The following FAT1 variants were observed in gnomAD, a reference collection of about 807,000 sequenced individuals.
FAT1 encodes the protein protocadherin Fat 1.
A neutral mutation model predicts 329.8 loss-of-function variants in FAT1; 171 were observed. The observed-to-expected ratio is 0.52, with a 90% confidence interval of 0.46 to 0.59. The LOEUF is 0.59. FAT1 is among the 20% of genes least tolerant of loss of function. The pLI is 0.00. For missense variants in FAT1, 5,672 were observed against 5,774.4 expected (o/e 0.98, Z 0.57); for synonymous variants, 2,233 against 2,228.6 (o/e 1.00, Z -0.06).
intron 1 of FAT1, among the ~76,000 whole-genome samples, chr4:186,712,978 AG>A (rs1424949193): frequency 3.2e-5 from 4 of 124,704 alleles, no homozygotes; most frequent in African/African-American, 1.3e-4. Context: ...CCTATCATGA[AG>A]GGGGTTCTTT....
At position 186,692,018 on chromosome 4, in the gene FAT1, C is replaced by T. The variant is rs1392875565; in HGVS notation, c.3265+14545G>A. Among the ~76,000 whole-genome samples the T allele has an allele frequency of 9.6e-4, 146 of 152,122 alleles. 3 individuals are homozygous for T. The highest frequency in any genetic ancestry group is 1.5e-4 in the Non-Finnish European group (10 of 68,006). On this transcript the variant is annotated intron_variant, in intron 2 of 26. Transcript: ENST00000441802. Reference sequence around the variant, plus strand: ...GAATGGCAGCTGGGACTTACTACTTCTCTAAAAATCTCTGTTAAAGAAGGC... The same window carrying T: ...GAATGGCAGCTGGGACTTACTACTTTTCTAAAAATCTCTGTTAAAGAAGGC...
At chr4:186,693,133 G>A (rs975808023) in intron 2 of FAT1, among the ~76,000 whole-genome samples, 2 of 152,188 alleles carry the variant, frequency 1.3e-5, no homozygotes, top group East Asian at 3.8e-4. Context: ...GCCATTACAT[G>A]TTTGAACAGT....
chr4:186,635,109 T>C (rs933731501), intron 6 of FAT1, among the ~76,000 whole-genome samples: 2 of 152,206 alleles, frequency 1.3e-5, no homozygotes, highest in Non-Finnish European at 2.9e-5. Flanking sequence ...GCATTTAGCA[T>C]GAAAGTTCCA....
rs745969893 is a variant in FAT1, at chr4:186,707,214, T to C, written c.2614A>G (p.Ser872Gly). The change falls in exon 2 of 27, where the codon AGC (serine) becomes GGC (glycine). Residue 872 changes from serine (S) to glycine (G), a missense_variant. Around this residue, in one of 2 missense-constraint regions of FAT1, gnomAD observed 3,966 missense variants for 3,915.2 expected, o/e 1.01. Transcript: ENST00000441802. ...VTDTDTFSIDSVTGVVNIARP... is the reference protein window; with the variant it reads ...VTDTDTFSIDGVTGVVNIARP... ...GCGATGTTAACAACACCCGTCACGC[T>C]GTCAATTGAAAATGTGTCTGTGTCT... 1.9e-6 allele frequency: 3 copies of C among 1,613,944 alleles called. 1 individual carries two copies. In the South Asian group the frequency reaches 3.3e-5, roughly 18 times the overall value.
In FAT1 at chr4:186,617,599, C is replaced by G. The variant is rs781395459; in HGVS notation, c.8878+109G>C. The G allele has an allele frequency of 1.2e-5, 11 of 897,780 alleles. No individual in the cohort carries two copies. The Admixed American group carries it at 3.3e-4, about 27-fold the overall frequency. 55.6% of individuals were successfully genotyped at this position (897,780 alleles called of 1,614,324 possible). ...TACGTATTATTTTAGATATTTTTAA[C>G]TAAAATCATCCCTTAAATCCCCAAT... On this transcript the variant is annotated intron_variant, in intron 10 of 26. Coordinates refer to ENST00000441802, the MANE Select transcript of FAT1 (RefSeq NM_005245.4).
chr4:186,608,913 T>C (rs1739264687), intron 16 of FAT1, among the ~76,000 whole-genome samples: 1 of 152,248 alleles, frequency 6.6e-6, no homozygotes, highest in Non-Finnish European at 1.5e-5. Flanking sequence ...ACCCAGCTTC[T>C]AGCTTTAGGA....
chr4:186,623,135 C>T (rs184562582), intron 9 of FAT1, among the ~76,000 whole-genome samples: 50 of 152,226 alleles, frequency 3.3e-4, no homozygotes, highest in Non-Finnish European at 4.8e-4. Context: ...GCTCTGCATC[C>T]GAGCCCCAAG....
chr4:186,641,226 G>A (rs1453400865), intron 3 of FAT1, among the ~76,000 whole-genome samples: 1 of 152,080 alleles, frequency 6.6e-6, no homozygotes, highest in African/African-American at 2.4e-5. Context: ...TTTTAACAAG[G>A]GCAACAGAAG....
intron 2 of FAT1, among the ~76,000 whole-genome samples, chr4:186,699,268 A>T (rs1461076596): frequency 1.4e-5 from 2 of 145,234 alleles, no homozygotes; most frequent in Non-Finnish European, 3.0e-5. Context: ...AACTTTTATT[A>T]AAAAAAAACA....
intron 3 of FAT1, among the ~76,000 whole-genome samples, chr4:186,648,775 C>T (rs188831500): frequency 8.3e-4 from 126 of 152,248 alleles, no homozygotes; most frequent in Non-Finnish European, 1.5e-3. Flanking sequence ...CTTCTTCCCG[C>T]TCCATGCCAG....
At chr4:186,591,915 G>C (rs1202125776) in intron 26 of FAT1, among the ~76,000 whole-genome samples, 2 of 152,188 alleles carry the variant, frequency 1.3e-5, no homozygotes, top group Non-Finnish European at 2.9e-5. Flanking sequence ...TCTGTAAGCA[G>C]TTCTCGAGTG....
chr4:186,623,903 A>G (rs1260982721), intron 9 of FAT1, among the ~76,000 whole-genome samples: 1 of 152,202 alleles, frequency 6.6e-6, no homozygotes, highest in Non-Finnish European at 1.5e-5. Context: ...TCTGGTGAAC[A>G]CAGCTTGGAG....
At chr4:186,651,155 AATTT>A (rs1479851813) in intron 3 of FAT1, among the ~76,000 whole-genome samples, 1 of 149,068 alleles carries the variant, frequency 6.7e-6, no homozygotes, top group African/African-American at 2.5e-5. Context: ...ATTAATAATA[AATTT>A]ATTAATAATA....
At chr4:186,713,417 G>A (rs896923154) in intron 1 of FAT1, among the ~76,000 whole-genome samples, 5 of 147,592 alleles carry the variant, frequency 3.4e-5, no homozygotes, top group African/African-American at 1.2e-4. Context: ...CCACCACACC[G>A]TAGCAAGCGG....
intron 2 of FAT1, among the ~76,000 whole-genome samples, chr4:186,675,167 T>G (rs1159816098): frequency 6.6e-6 from 1 of 152,242 alleles, no homozygotes; most frequent in South Asian, 2.1e-4. Flanking sequence ...TCTTGAATAC[T>G]GTTATTAACT....
chr4:186,663,412 A>G lies in FAT1; in HGVS notation c.3467T>C (p.Val1156Ala), dbSNP rs758344754. 1 of 1,614,046 alleles carries G rather than the reference A, an allele frequency of 6.2e-7. No individual in the cohort carries two copies. The highest frequency in any genetic ancestry group is 8.5e-7 in the Non-Finnish European group (1 of 1,179,886). Residue 1156 changes from valine to alanine, a missense_variant, in exon 3 of 27, where the codon GTA becomes GCA. Physicochemically the swap from Val to Ala is moderately conservative, Grantham distance 64. Transcript: ENST00000441802. ...AAATGCCTCGATCTGGACCACAGAT[A>G]CATCTTTAGGAGAATTTTCCATGAT... ...PEIMENSPKD[V>A]SVVQIEAFDP...
rs750648349 is a variant in FAT1 at position 186,619,523 on chromosome 4, G to A, written c.7063C>T (p.Gln2355Ter). The change falls in exon 10 of 27, where the codon CAG (glutamine) becomes TAG (stop). Residue 2355 changes from glutamine (Q) to a stop codon, truncating the protein, a stop_gained. Coordinates refer to ENST00000441802, the MANE Select transcript of FAT1 (RefSeq NM_005245.4). LOFTEE classifies it high-confidence loss of function. ...ACTGCCCTCACAAAAATCGTGTGCT[G>A]CCGGGACTGCTCGTAATCCAGGGTT... ...LRTLDYEQSR[Q>*]HTIFVRAVDG... 2.5e-6 allele frequency: 4 copies of A among 1,613,918 alleles called. No homozygotes were observed. Among genetic ancestry groups the A allele is most frequent in the Non-Finnish European group, 3.4e-6 (4 of 1,179,880 alleles).
In FAT1 at chr4:186,653,886, G is replaced by A. The variant is rs528194647; in HGVS notation, c.3580+9413C>T. 5.9e-5 allele frequency among the ~76,000 whole-genome samples: 9 copies of A among 152,066 alleles called. No homozygotes were observed. The South Asian group carries it at 1.2e-3, about 21-fold the overall frequency. On this transcript the variant is annotated intron_variant, in intron 3 of 26. Transcript: ENST00000441802. ...ATAGAAACAGTTTGATGACCCCTGC[G>A]GTACATGCTTCATAAAACTAAGTTT...
At chr4:186,719,279 A>C (rs946242944) in intron 1 of FAT1, among the ~76,000 whole-genome samples, 1 of 152,148 alleles carries the variant, frequency 6.6e-6, no homozygotes, top group Non-Finnish European at 1.5e-5. Context: ...CATCAAACCT[A>C]AGTTATACGA....
Sources: gnomAD v4.1 joint callset for allele counts (sites outside exome capture counted in the v4.1 genomes callset) on GRCh38, gnomAD v4.1.1 for gene constraint, gnomAD v4.1.1 regional missense constraint, MANE v1.5 for transcripts, NCBI Gene and HGNC (gene_info 2026-07-23, HGNC 2026-07-21) for gene names.